The following AKR1C1 variants were observed in gnomAD, a reference collection of about 807,000 sequenced individuals.
AKR1C1 encodes 20 alpha-hydroxysteroid dehydrogenase.
Under a neutral mutation model 40.6 loss-of-function variants are expected in AKR1C1, and 32 were observed. The ratio of observed to expected loss-of-function variants is 0.79; its 90% CI spans 0.60 to 1.06. The LOEUF is 1.06. AKR1C1 is among the 50% of genes least tolerant of loss of function. The pLI is 0.00. For synonymous variants in AKR1C1, 105 were observed against 134.2 expected (o/e 0.78, Z 1.50); for missense variants, 320 against 363.5 (o/e 0.88, Z 0.97).
Position 4,968,852 on chromosome 10 carries a change from G to T in AKR1C1, c.478G>T (p.Ala160Ser). ...GGAGAAGTGTAAAGATGCAGGATTG[G>T]CCAAGTCCATCGGGGTGTCCAACTT... is the stretch of plus-strand genomic sequence containing the variant. ...AVEKCKDAGL[A>S]KSIGVSNFNR... The change falls in exon 5 of 9, where the codon GCC becomes TCC. Residue 160 changes from alanine (A) to serine (S), a missense_variant. Ala to Ser is a moderately conservative substitution (Grantham distance 99). Around this residue, in one of 3 missense-constraint regions of AKR1C1, gnomAD observed 214 missense variants for 214.8 expected, o/e 1.00. Transcript: ENST00000380872. The T allele has an allele frequency of 4.3e-6, 7 of 1,614,118 alleles. No homozygotes were observed. The highest frequency in any genetic ancestry group is 5.9e-6 in the Non-Finnish European group (7 of 1,180,032).
chr10:4,973,567 C>T (rs1461703217), intron 7 of AKR1C1, among the ~76,000 whole-genome samples: 8 of 152,176 alleles, frequency 5.3e-5, no homozygotes, highest in African/African-American at 1.9e-4. Context: ...GAGCTGCCAA[C>T]CATTGCTTCT....
At chr10:4,973,531 G>T (rs1325446817) in intron 7 of AKR1C1, among the ~76,000 whole-genome samples, 1 of 152,180 alleles carries the variant, frequency 6.6e-6, no homozygotes, top group Non-Finnish European at 1.5e-5. Flanking sequence ...GTGGACATGT[G>T]CAAAGCCTTT....
At position 4,979,326 on chromosome 10, in the gene AKR1C1, C is replaced by T. The variant is rs1451983040; in HGVS notation, c.*1584C>T. 6.6e-6 allele frequency: 1 copy of T among 152,252 alleles called. No homozygotes were observed. The highest frequency in any genetic ancestry group is 2.4e-5 in the African/African-American group (1 of 41,532). The allele number at this position is 152,252 out of a possible 1,614,324, so 9.4% of individuals were successfully genotyped here. On this transcript the variant is annotated 3_prime_UTR_variant, in exon 9 of 9. Transcript: ENST00000380872. ...AAAATCCCCCTAAAAATATTTCTAG[C>T]TCAGATTTTTCCTCCAAATTCTGCA... is the stretch of plus-strand genomic sequence containing the variant.
chr10:4,973,439 C>T (rs1380188697), intron 7 of AKR1C1, among the ~76,000 whole-genome samples: 1 of 152,310 alleles, frequency 6.6e-6, no homozygotes, highest in South Asian at 2.1e-4. Flanking sequence ...TGTGAGCGCC[C>T]CCCTCTCCCA....
rs1293624371 is a variant in AKR1C1, at chr10:4,981,841, C to G, written c.*4099C>G. 2 of 152,216 alleles carry G rather than the reference C, an allele frequency of 1.3e-5. No individual in the cohort carries two copies. Among genetic ancestry groups the G allele is most frequent in the African/African-American group, 4.8e-5 (2 of 41,432 alleles). 9.4% of individuals were successfully genotyped at this position (152,216 alleles called of 1,614,324 possible). A position where few individuals can be genotyped will look rare whatever the true frequency, so the allele number is the denominator to read the frequency against. On this transcript the variant is annotated 3_prime_UTR_variant, in exon 9 of 9. Transcript: ENST00000380872. ...GAAGCTGGGTGTCCAGCCTTGTGGG[C>G]AGACCGGGAGGGATGTGGCCTGAAA... is the stretch of plus-strand genomic sequence containing the variant.
At chr10:4,976,687 T>C (rs1479714253) in intron 8 of AKR1C1, among the ~76,000 whole-genome samples, 1 of 152,178 alleles carries the variant, frequency 6.6e-6, no homozygotes, top group Non-Finnish European at 1.5e-5. Context: ...TCTAAGGTTC[T>C]AGGATTCATA....
intron 5 of AKR1C1, 137 bp downstream of exon 5, chr10:4,969,081 G>A: frequency 6.6e-7 from 1 of 1,517,760 alleles, no homozygotes; most frequent in South Asian, 1.3e-5. Context: ...GTCTCGAAGG[G>A]CATAGAGGGA....
chr10:4,977,685 T>G lies in AKR1C1; in HGVS notation c.930-15T>G, dbSNP rs1836547801. The G allele has an allele frequency of 6.8e-6, 11 of 1,612,342 alleles. No individual in the cohort carries two copies. The highest frequency in any genetic ancestry group is 1.3e-5 in the African/African-American group (1 of 74,774). On this transcript the variant is annotated splice_polypyrimidine_tract_variant and intron_variant, in intron 8 of 8. Coordinates refer to ENST00000380872, the MANE Select transcript of AKR1C1 (RefSeq NM_001353.6). ...CATTGCCATTCAGAGTGTGCATTTT[T>G]TTTTCTCTTTCCAGTTTTGCTGGCC...
At chr10:4,965,840 A>G in intron 1 of AKR1C1, 74 bp from the exon 2 acceptor site, 1 of 1,523,220 alleles carries the variant, frequency 6.6e-7, no homozygotes, top group Non-Finnish European at 8.8e-7. Flanking sequence ...GATTTTTGTG[A>G]ACGTCGCTAC....
intron 7 of AKR1C1, among the ~76,000 whole-genome samples, chr10:4,975,542 C>G (rs1836514025): frequency 6.6e-6 from 1 of 152,100 alleles, no homozygotes; most frequent in Non-Finnish European, 1.5e-5. Flanking sequence ...TCTTGTGGGT[C>G]TTCTAGGTAC....
intron 3 of AKR1C1, 157 bp from the exon 4 acceptor site, chr10:4,968,152 T>C: frequency 9.1e-7 from 1 of 1,104,310 alleles, no homozygotes; most frequent in Non-Finnish European, 1.3e-6. Context: ...AGACATTCCT[T>C]ATACCTTCAT....
rs201721705 is a variant in AKR1C1 at position 4,966,908 on chromosome 10, C to A, written c.253-19C>A. On this transcript the variant is annotated intron_variant, in intron 2 of 8. Transcript: ENST00000380872. ...GCTCAAGTTTTCATTACACAACTTC[C>A]TTTCTCTAACCTCTGCAGCTTTGGT... The A allele has an allele frequency of 8.2e-5, 130 of 1,592,748 alleles. No individual in the cohort carries two copies. The highest frequency in any genetic ancestry group is 1.1e-4 in the Non-Finnish European group (125 of 1,170,880).
At position 4,972,623 on chromosome 10, in the gene AKR1C1, C is replaced by T. The variant is rs1554769976; in HGVS notation, c.720C>T (p.Val240=). 6.2e-7 allele frequency: 1 copy of T among 1,613,728 alleles called. No individual in the cohort carries two copies. Residue 240 remains valine (V), a synonymous_variant, in exon 7 of 9, where the codon GTC becomes GTT. Transcript: ENST00000380872. The part of the protein sequence containing the change: ...PNSPVLLEDP[V]LCALAKKHKR... ...CCCCGGTGCTCTTGGAGGACCCAGT[C>T]CTTTGTGCCTTGGCAAAAAAGCACA...
At chr10:4,972,544 C>T (rs782215288) in intron 6 of AKR1C1, 40 bp from the exon 7 acceptor site, 2 of 1,607,236 alleles carry the variant, frequency 1.2e-6, no homozygotes, top group East Asian at 4.5e-5. Flanking sequence ...AAACTGTATC[C>T]CCAGCCTCAG....
rs1223858744 is a variant in AKR1C1 at position 4,981,260 on chromosome 10, C to T, written c.*3518C>T. Reference sequence around the variant, plus strand: ...GTAGATATAGATTAAATCTTAAGGACCCTAGGATTGTTAGAATAGTAAATG... The same window carrying T: ...GTAGATATAGATTAAATCTTAAGGATCCTAGGATTGTTAGAATAGTAAATG... On this transcript the variant is annotated 3_prime_UTR_variant, in exon 9 of 9. Transcript: ENST00000380872. 1 of 152,022 alleles carries T rather than the reference C, an allele frequency of 6.6e-6. No individual in the cohort carries two copies. The highest frequency in any genetic ancestry group is 2.4e-5 in the African/African-American group (1 of 41,360). 9.4% of individuals were successfully genotyped at this position (152,022 alleles called of 1,614,324 possible).
intron 1 of AKR1C1, 101 bp from the exon 2 acceptor site, chr10:4,965,813 A>T: frequency 7.1e-7 from 1 of 1,399,606 alleles, no homozygotes; most frequent in Non-Finnish European, 9.7e-7. Flanking sequence ...AACTCATCCA[A>T]GAAAGGAGGA....
rs1233695090 is a variant in AKR1C1, at chr10:4,978,320, C to A, written c.*578C>A. 1 of 149,686 alleles carries A rather than the reference C, an allele frequency of 6.7e-6. No homozygotes were observed. The highest frequency in any genetic ancestry group is 6.7e-5 in the Admixed American group (1 of 15,004). The allele number at this position is 149,686 out of a possible 1,614,324, so 9.3% of individuals were successfully genotyped here. ...AGGGGGGGTTAGGGAGATGGGAGGG[C>A]ACCAGGAAAAGTGATTAGAAGTCAG... On this transcript the variant is annotated 3_prime_UTR_variant, in exon 9 of 9. Coordinates refer to ENST00000380872, the MANE Select transcript of AKR1C1 (RefSeq NM_001353.6).
chr10:4,971,242 G>A (rs1554769802), intron 5 of AKR1C1, among the ~76,000 whole-genome samples: 1 of 151,660 alleles, frequency 6.6e-6, no homozygotes, highest in African/African-American at 2.4e-5. Flanking sequence ...ATTCTTACCT[G>A]ACATTTAATT....
rs1357134083 is a variant in AKR1C1, at chr10:4,978,383, T to C, written c.*641T>C. On this transcript the variant is annotated 3_prime_UTR_variant, in exon 9 of 9. Coordinates refer to ENST00000380872, the MANE Select transcript of AKR1C1 (RefSeq NM_001353.6). ...TAAATAGGACAGAGTCGAGTACATCTCTGCTTGGAAAAACATATCAACACC... is the reference window on the plus strand; with the variant it reads ...TAAATAGGACAGAGTCGAGTACATCCCTGCTTGGAAAAACATATCAACACC... 1.3e-5 allele frequency: 2 copies of C among 150,782 alleles called. No individual in the cohort carries two copies. Among genetic ancestry groups the C allele is most frequent in the Non-Finnish European group, 2.9e-5 (2 of 67,874 alleles). The allele number at this position is 150,782 out of a possible 1,614,324, so 9.3% of individuals were successfully genotyped here.
Sources: gnomAD v4.1 joint callset for allele counts (sites outside exome capture counted in the v4.1 genomes callset) on GRCh38, gnomAD v4.1.1 for gene constraint, gnomAD v4.1.1 regional missense constraint, MANE v1.5 for transcripts, NCBI Gene and HGNC (gene_info 2026-07-23, HGNC 2026-07-21) for gene names.